The following DCAF13 variants were observed in gnomAD, a reference collection of about 807,000 sequenced individuals.
The protein encoded by DCAF13 is DDB1- and CUL4-associated factor 13.
Under a neutral mutation model 59.0 loss-of-function variants are expected in DCAF13, and 38 were observed. The ratio of observed to expected loss-of-function variants is 0.64; its 90% CI spans 0.50 to 0.84. The LOEUF (loss-of-function observed/expected upper bound fraction) is 0.84. Ranked by LOEUF, DCAF13 falls within the 40% of genes least tolerant of loss-of-function variation. The probability of loss-of-function intolerance (pLI) is 0.00; values close to 1 mark genes in which losing one functional copy is unlikely to be tolerated. For missense variants in DCAF13, 469 were observed against 558.4 expected, an observed-to-expected ratio of 0.84 and a Z score of 1.61; for synonymous variants, 173 against 175.0, an observed-to-expected ratio of 0.99 and a Z score of 0.09.
At chr8:103,434,470 G>T (rs537020947) in intron 7 of DCAF13, among the ~76,000 whole-genome samples, 5 of 152,198 alleles carry the variant, frequency 3.3e-5, no homozygotes, top group African/African-American at 9.6e-5. Context: ...GAAAACCACT[G>T]TTCTTAGGCA....
chr8:103,432,701 A>G lies in DCAF13; in HGVS notation c.745A>G (p.Met249Val), dbSNP rs768651600. 10 of 1,606,320 alleles carry G rather than the reference A, an allele frequency of 6.2e-6. No individual in the cohort carries two copies. The highest frequency in any genetic ancestry group is 2.2e-5 in the East Asian group (1 of 44,724). ...MRTNTICWNP[M>V]EAFIFTAANE... is the part of the protein sequence containing the mutation. ...AACAAATACAATCTGTTGGAACCCTATGGAAGCTTTCATTTTTACAGCAGC... is the reference window on the plus strand; with the variant it reads ...AACAAATACAATCTGTTGGAACCCTGTGGAAGCTTTCATTTTTACAGCAGC... Residue 249 changes from methionine to valine, a missense_variant, in exon 7 of 11, where the codon ATG becomes GTG. This residue lies in a region of DCAF13 where 355 missense variants were observed against 399.1 expected (regional missense o/e 0.89). Coordinates refer to ENST00000612750, the MANE Select transcript of DCAF13 (RefSeq NM_015420.7).
At chr8:103,424,428 A>G (rs925047876) in intron 3 of DCAF13, among the ~76,000 whole-genome samples, 15 of 152,254 alleles carry the variant, frequency 9.9e-5, no homozygotes, top group African/African-American at 3.1e-4. Flanking sequence ...ATTTTAGTAC[A>G]CAGTGTTGCA....
At chr8:103,422,460 G>C (rs554308926) in intron 3 of DCAF13, among the ~76,000 whole-genome samples, 29 of 152,136 alleles carry the variant, frequency 1.9e-4, no homozygotes, top group Non-Finnish European at 3.2e-4. Context: ...TCTGGGAAGT[G>C]GGAAAACTCT....
Position 103,426,080 on chromosome 8 carries a change from C to T in DCAF13, c.403C>T (p.Gln135Ter). ...FTVGDDKTVKQWKMDGPGYGD... is the reference protein window; with the variant it reads ...FTVGDDKTVK ...GGTTGGTGATGACAAAACTGTGAAGCAGTGGAAAATGGATGGGCCAGGCTA... is the reference window on the plus strand; with the variant it reads ...GGTTGGTGATGACAAAACTGTGAAGTAGTGGAAAATGGATGGGCCAGGCTA... Residue 135 changes from glutamine (Q) to a stop codon, truncating the protein, a stop_gained, in exon 4 of 11, where the codon CAG becomes TAG. Transcript: ENST00000612750. LOFTEE classifies it high-confidence loss of function. 10 of 1,612,418 alleles carry T rather than the reference C, an allele frequency of 6.2e-6. No homozygotes were observed. Among genetic ancestry groups the T allele is most frequent in the Non-Finnish European group, 8.5e-6 (10 of 1,178,930 alleles).
At chr8:103,424,324 A>C (rs1401287558) in intron 3 of DCAF13, among the ~76,000 whole-genome samples, 1 of 152,208 alleles carries the variant, frequency 6.6e-6, no homozygotes, top group African/African-American at 2.4e-5. Flanking sequence ...GCCATGCCCA[A>C]CCAAAAAGAT....
chr8:103,418,842 A>ATATATATATATATATTTATATATT, intron 1 of DCAF13, among the ~76,000 whole-genome samples: 1 of 13,728 alleles, frequency 7.3e-5, no homozygotes, highest in East Asian at 2.0e-3. Context: ...ATATATATAT[A>ATATATATATATATATTTATATATT]TATATATATA....
chr8:103,441,908 G>A (rs1221171628), intron 10 of DCAF13: 1 of 300,282 alleles, frequency 3.3e-6, no homozygotes, highest in Non-Finnish European at 6.1e-6. Flanking sequence ...TAGGACTACA[G>A]GCACGCGCCA....
intron 8 of DCAF13, chr8:103,439,813 T>C (rs3098219): frequency 0.45 from 73,666 of 162,158 alleles, 16,859 homozygotes; most frequent in African/African-American, 0.49. Context: ...AAAGTTACCT[T>C]GGTTGAACAT....
chr8:103,442,719 C>A, intron 10 of DCAF13, 76 bp from the exon 11 acceptor site: 1 of 986,972 alleles, frequency 1.0e-6, no homozygotes. Context: ...AAAGAAAATG[C>A]TTTGATTTTT....
intron 1 of DCAF13, among the ~76,000 whole-genome samples, chr8:103,416,996 C>T (rs905954505): frequency 6.6e-6 from 1 of 152,154 alleles, no homozygotes; most frequent in African/African-American, 2.4e-5. Flanking sequence ...ATGGATGAGA[C>T]TGAAAATTAA....
At chr8:103,418,781 G>GT (rs1816663799) in intron 1 of DCAF13, among the ~76,000 whole-genome samples, 1 of 123,276 alleles carries the variant, frequency 8.1e-6, no homozygotes. Context: ...TACTCACTGA[G>GT]TTTTTTTAGA....
intron 1 of DCAF13, among the ~76,000 whole-genome samples, chr8:103,417,611 C>T (rs1164568709): frequency 7.0e-6 from 1 of 143,316 alleles, no homozygotes; most frequent in Non-Finnish European, 1.5e-5. Flanking sequence ...CACTGCACTC[C>T]AGCCTGGGTG....
Position 103,425,447 on chromosome 8 carries a change from A to G in DCAF13, c.379-609A>G, listed in dbSNP as rs577136600. ...ATTTGTGCAGCTGTCAGCACAGTGA[A>G]AAGACAAACTATGTCTTTACTAACA... On this transcript the variant is annotated intron_variant, in intron 3 of 10. Coordinates refer to ENST00000612750, the MANE Select transcript of DCAF13 (RefSeq NM_015420.7). Among the ~76,000 whole-genome samples the G allele has an allele frequency of 5.9e-5, 9 of 152,302 alleles. No homozygotes were observed. The East Asian group carries it at 1.7e-3, about 29-fold the overall frequency.
chr8:103,419,084 CTG>C (rs970568353), intron 1 of DCAF13, among the ~76,000 whole-genome samples: 1 of 151,438 alleles, frequency 6.6e-6, no homozygotes, highest in African/African-American at 2.4e-5. Context: ...TGGGATTTCA[CTG>C]TGGTAGCCAG....
intron 8 of DCAF13, among the ~76,000 whole-genome samples, chr8:103,436,980 G>A (rs971582052): frequency 1.3e-5 from 2 of 151,986 alleles, no homozygotes; most frequent in Admixed American, 6.6e-5. Flanking sequence ...ACCATGTATC[G>A]TCATTGTCAG....
chr8:103,435,208 C>G (rs1200410278), intron 7 of DCAF13, among the ~76,000 whole-genome samples: 8 of 151,914 alleles, frequency 5.3e-5, no homozygotes, highest in African/African-American at 1.9e-4. Context: ...CATTAATATG[C>G]TACGTGAAAT....
chr8:103,440,332 CATTAT>C, intron 9 of DCAF13, 61 bp downstream of exon 9: 2 of 1,098,680 alleles, frequency 1.8e-6, no homozygotes, highest in Non-Finnish European at 2.5e-6. Context: ...TTAGATATTA[CATTAT>C]GAAAATTTAC....
At chr8:103,432,559 G>A in intron 6 of DCAF13, 100 bp from the exon 7 acceptor site, 2 of 650,552 alleles carry the variant, frequency 3.1e-6, no homozygotes, top group Non-Finnish European at 5.5e-6. Flanking sequence ...ACTGAGCTGA[G>A]TACTTTACAC....
At position 103,443,126 on chromosome 8, in the gene DCAF13, C is replaced by G. The variant is rs1817031689; in HGVS notation, c.*244C>G. 3.1e-6 allele frequency: 1 copy of G among 319,696 alleles called. No homozygotes were observed. Among genetic ancestry groups the G allele is most frequent in the African/African-American group, 2.2e-5 (1 of 46,464 alleles). 19.8% of individuals were successfully genotyped at this position (319,696 alleles called of 1,614,324 possible). On this transcript the variant is annotated 3_prime_UTR_variant, in exon 11 of 11. Coordinates refer to ENST00000612750, the MANE Select transcript of DCAF13 (RefSeq NM_015420.7). ...ATACAGTATTTGCAACTCATTTTTTCTTGTTTTTATTACAGATATACTTAC... is the reference window on the plus strand; with the variant it reads ...ATACAGTATTTGCAACTCATTTTTTGTTGTTTTTATTACAGATATACTTAC...
Sources: allele counts gnomAD v4.1 joint callset (sites outside exome capture counted in the v4.1 genomes callset), GRCh38; gene constraint gnomAD v4.1.1; regional missense constraint gnomAD v4.1.1; transcripts MANE v1.5; gene names NCBI Gene and HGNC (gene_info 2026-07-23, HGNC 2026-07-21).